NCOA1: variants seen among roughly 807,000 people sequenced by gnomAD.
NCOA1 encodes the protein nuclear receptor coactivator 1.
A neutral mutation model predicts 150.9 loss-of-function variants in NCOA1; 35 were observed. The observed-to-expected ratio is 0.23, with a 90% CI of 0.18 to 0.31. The LOEUF is 0.31. Ranked by LOEUF, NCOA1 falls within the 10% of genes least tolerant of loss-of-function variation. The probability of loss-of-function intolerance (pLI) is 1.00; values close to 1 mark genes in which losing one functional copy is unlikely to be tolerated. For synonymous variants in NCOA1, 590 were observed against 630.0 expected (o/e 0.94, Z 0.95); for missense variants, 1,491 against 1,749.3 (o/e 0.85, Z 2.63).
At chr2:24,653,667 G>A (rs1159280447) in intron 4 of NCOA1, among the ~76,000 whole-genome samples, 6 of 152,058 alleles carry the variant, frequency 3.9e-5, no homozygotes, top group Non-Finnish European at 8.8e-5. Context: ...CAAAATAATT[G>A]TAACTTATAG....
chr2:24,537,862 G>GT (rs1481864659), intron 1 of NCOA1, among the ~76,000 whole-genome samples: 2 of 151,834 alleles, frequency 1.3e-5, no homozygotes, highest in Admixed American at 6.6e-5. Context: ...AATAAAACTT[G>GT]TTAAAAAAAG....
chr2:24,644,295 A>G (rs1046772163), intron 4 of NCOA1, among the ~76,000 whole-genome samples, 173 bp downstream of exon 4: 5 of 152,164 alleles, frequency 3.3e-5, no homozygotes, highest in Non-Finnish European at 5.9e-5. Flanking sequence ...GGAAAGTTCT[A>G]GGATACACTT....
intron 19 of NCOA1, among the ~76,000 whole-genome samples, chr2:24,747,803 C>T: frequency 6.9e-6 from 1 of 143,978 alleles, no homozygotes. Flanking sequence ...CCTCTAGAGT[C>T]ATAAATGAAA....
intron 3 of NCOA1, among the ~76,000 whole-genome samples, chr2:24,592,687 AG>A (rs1250772395): frequency 6.6e-6 from 1 of 151,110 alleles, no homozygotes; most frequent in African/African-American, 2.4e-5. Flanking sequence ...CACAGCTGGA[AG>A]CAGAGTGATC....
At chr2:24,710,838 A>G (rs1673713771) in intron 13 of NCOA1, 93 bp from the exon 14 acceptor site, 1 of 1,203,386 alleles carries the variant, frequency 8.3e-7, no homozygotes, top group Non-Finnish European at 1.2e-6. Flanking sequence ...GTCACACTGA[A>G]TTCATAGAGT....
At chr2:24,754,225 T>C (rs966355081) in intron 20 of NCOA1, among the ~76,000 whole-genome samples, 3 of 152,194 alleles carry the variant, frequency 2.0e-5, no homozygotes, top group Admixed American at 6.5e-5. Flanking sequence ...AATCTCCACA[T>C]GGGTAGCCAG....
At chr2:24,639,926 ATAT>A (rs1670118319) in intron 3 of NCOA1, among the ~76,000 whole-genome samples, 1 of 13,466 alleles carries the variant, frequency 7.4e-5, no homozygotes, top group African/African-American at 2.6e-4. Context: ...GTATATATAT[ATAT>A]ATATATATAT....
Position 24,740,613 on chromosome 2 carries a change from C to T in NCOA1, c.3303+1080C>T, listed in dbSNP as rs1011878148. On this transcript the variant is annotated intron_variant, in intron 18 of 22. Transcript: ENST00000348332. ...GTCTTATTGCTGAAATGTCTTTATG[C>T]ATCACATGACTGTATTGACTGAAGT... Among the ~76,000 whole-genome samples, 8 of 152,308 alleles carry T rather than the reference C, an allele frequency of 5.3e-5. No individual in the cohort carries two copies. In the East Asian group the frequency reaches 1.5e-3, roughly 29 times the overall value.
At chr2:24,735,776 C>T (rs995747089) in intron 17 of NCOA1, among the ~76,000 whole-genome samples, 4 of 152,082 alleles carry the variant, frequency 2.6e-5, no homozygotes, top group African/African-American at 7.2e-5. Context: ...AAAAGCAATA[C>T]GAAGTTACAA....
intron 22 of NCOA1, among the ~76,000 whole-genome samples, chr2:24,767,605 A>G (rs955305844): frequency 6.6e-6 from 1 of 152,248 alleles, no homozygotes; most frequent in Non-Finnish European, 1.5e-5. Flanking sequence ...TGGATTGTCT[A>G]TCAGGGGAAA....
intron 15 of NCOA1, among the ~76,000 whole-genome samples, chr2:24,727,503 G>C (rs902603621): frequency 6.6e-6 from 1 of 152,150 alleles, no homozygotes; most frequent in Non-Finnish European, 1.5e-5. Flanking sequence ...CTCCCCGCAG[G>C]CAGCCATATT....
chr2:24,760,488 C>T (rs144351303), intron 21 of NCOA1, among the ~76,000 whole-genome samples: 142 of 151,982 alleles, frequency 9.3e-4, no homozygotes, highest in African/African-American at 3.3e-3. Context: ...TGCAGGCCTG[C>T]GGCTAATGAG....
chr2:24,516,186 CTTT>C (rs755818385), intron 1 of NCOA1, among the ~76,000 whole-genome samples: 3,587 of 92,708 alleles, frequency 0.039, 37 homozygotes, highest in East Asian at 0.16. Flanking sequence ...TAGGTTTTGC[CTTT>C]TTTTTTTTTT....
At chr2:24,751,589 A>G (rs560397106) in intron 19 of NCOA1, among the ~76,000 whole-genome samples, 12 of 130,918 alleles carry the variant, frequency 9.2e-5, no homozygotes, top group Non-Finnish European at 7.0e-5. Context: ...TCTCGGGGGA[A>G]AAAAAAAAAA....
intron 22 of NCOA1, among the ~76,000 whole-genome samples, chr2:24,763,795 T>C (rs1383928497): frequency 6.6e-6 from 1 of 151,592 alleles, no homozygotes; most frequent in East Asian, 2.0e-4. Context: ...TAATTTTTCG[T>C]CTTTTCAGTA....
At chr2:24,596,985 T>A (rs1034820714) in intron 3 of NCOA1, among the ~76,000 whole-genome samples, 1 of 152,192 alleles carries the variant, frequency 6.6e-6, no homozygotes, top group Non-Finnish European at 1.5e-5. Flanking sequence ...TGTAAAGAAA[T>A]CATCCAAAAG....
intron 14 of NCOA1, among the ~76,000 whole-genome samples, chr2:24,712,106 A>T (rs1308865294): frequency 6.6e-6 from 1 of 152,242 alleles, no homozygotes; most frequent in African/African-American, 2.4e-5. Context: ...TATTAGAGGA[A>T]GAGTCAGAAG....
At chr2:24,609,374 T>C (rs1387844297) in intron 3 of NCOA1, among the ~76,000 whole-genome samples, 2 of 152,242 alleles carry the variant, frequency 1.3e-5, no homozygotes, top group Non-Finnish European at 2.9e-5. Flanking sequence ...ATCTTTGCTT[T>C]GTCAGTTGTT....
At position 24,559,846 on chromosome 2, in the gene NCOA1, A is replaced by G. The variant is rs1186135345; in HGVS notation, c.-395-4449A>G. On this transcript the variant is annotated intron_variant, in intron 1 of 22. Transcript: ENST00000348332. ...TATCTTTCCCTGTAACATAACTGAG[A>G]GTGTTTGTCTATCTGTTCCCCAGAG... Among the ~76,000 whole-genome samples, 10 of 152,152 alleles carry G rather than the reference A, an allele frequency of 6.6e-5. No homozygotes were observed. The East Asian group carries it at 1.9e-3, about 29-fold the overall frequency.
Sources: allele counts gnomAD v4.1 joint callset (sites outside exome capture counted in the v4.1 genomes callset), GRCh38; gene constraint gnomAD v4.1.1; transcripts MANE v1.5; gene names NCBI Gene and HGNC (gene_info 2026-07-23, HGNC 2026-07-21).